CACNA2D1: variants seen among roughly 807,000 people sequenced by gnomAD.
CACNA2D1 encodes the protein voltage-dependent calcium channel subunit alpha-2/delta-1.
Under a neutral mutation model 171.5 loss-of-function variants are expected in CACNA2D1, and 53 were observed. That is an observed-to-expected ratio of 0.31 (90% CI 0.25 to 0.39). The LOEUF is 0.39. CACNA2D1 is among the 10% of genes least tolerant of loss of function. The pLI, the probability that CACNA2D1 is intolerant of heterozygous loss-of-function variation, is 1.00. For missense variants in CACNA2D1, 903 were observed against 1,299.8 expected (o/e 0.69, Z 4.69); for synonymous variants, 442 against 443.1 (o/e 1.00, Z 0.03).
rs559756847 is a variant in CACNA2D1, at chr7:82,070,163, T to C, written c.659-3639A>G. Among the ~76,000 whole-genome samples the C allele has an allele frequency of 7.5e-4, 114 of 152,306 alleles. 2 individuals are homozygous for C. The highest frequency in any genetic ancestry group is 3.9e-3 in the South Asian group (19 of 4,832). On this transcript the variant is annotated intron_variant, in intron 7 of 38. Coordinates refer to ENST00000356860, the MANE Select transcript of CACNA2D1 (RefSeq NM_000722.4). The stretch of plus-strand genomic sequence containing the variant: ...AATGGATCCTCCACAGTCCCTAATT[T>C]GCACCATGGCTCCAATAACCAAGTT...
intron 6 of CACNA2D1, among the ~76,000 whole-genome samples, chr7:82,108,303 A>G (rs1185817907): frequency 2.6e-5 from 4 of 152,204 alleles, no homozygotes; most frequent in Non-Finnish European, 4.4e-5. Flanking sequence ...ATGAACCTCC[A>G]AAGAAGTAGC....
chr7:82,094,006 A>G (rs1340148471), intron 6 of CACNA2D1, among the ~76,000 whole-genome samples: 1 of 152,148 alleles, frequency 6.6e-6, no homozygotes, highest in Non-Finnish European at 1.5e-5. Context: ...AGAAGTGACT[A>G]ATGAGATATG....
chr7:82,223,679 T>C (rs1255352625), intron 3 of CACNA2D1, among the ~76,000 whole-genome samples: 1 of 152,224 alleles, frequency 6.6e-6, no homozygotes, highest in Non-Finnish European at 1.5e-5. Flanking sequence ...TGTTGTTTTT[T>C]ACATTTCCTG....
chr7:82,394,334 AG>A (rs1363248903), intron 1 of CACNA2D1, among the ~76,000 whole-genome samples: 1 of 152,142 alleles, frequency 6.6e-6, no homozygotes, highest in Non-Finnish European at 1.5e-5. Flanking sequence ...GGAGGGAAGA[AG>A]GGAAAGTGGG....
intron 3 of CACNA2D1, among the ~76,000 whole-genome samples, chr7:82,297,052 T>C (rs1469503962): frequency 9.2e-6 from 1 of 108,280 alleles, no homozygotes; most frequent in East Asian, 2.7e-4. Flanking sequence ...CAGGGAAACA[T>C]AGTGAGGCTC....
chr7:81,969,575 T>C (rs1795054137), intron 28 of CACNA2D1, among the ~76,000 whole-genome samples: 1 of 151,354 alleles, frequency 6.6e-6, no homozygotes, highest in Non-Finnish European at 1.5e-5. Flanking sequence ...ATTCCTTAAA[T>C]GTTTTTCAAT....
chr7:82,184,932 T>G (rs2129175435), intron 3 of CACNA2D1, among the ~76,000 whole-genome samples: 1 of 152,306 alleles, frequency 6.6e-6, no homozygotes, highest in East Asian at 1.9e-4. Flanking sequence ...CTCCCATTAG[T>G]TCCATTTTAC....
intron 3 of CACNA2D1, among the ~76,000 whole-genome samples, chr7:82,322,812 A>T (rs979327492): frequency 2.0e-5 from 3 of 152,126 alleles, no homozygotes; most frequent in Admixed American, 6.6e-5. Context: ...TGCAAAGAAC[A>T]CCTGTGTATA....
At chr7:82,187,080 C>G (rs1407529446) in intron 3 of CACNA2D1, among the ~76,000 whole-genome samples, 16 of 151,982 alleles carry the variant, frequency 1.1e-4, no homozygotes, top group Admixed American at 1.0e-3. Context: ...TTTTAAGATC[C>G]ATGTATCTAA....
chr7:82,153,870 CA>C (rs1237082625), intron 4 of CACNA2D1, among the ~76,000 whole-genome samples: 1 of 151,440 alleles, frequency 6.6e-6, no homozygotes, highest in Non-Finnish European at 1.5e-5. Context: ...CATTGAACAG[CA>C]CAGTTAAAAA....
At chr7:82,377,804 C>G (rs1242098330) in intron 1 of CACNA2D1, among the ~76,000 whole-genome samples, 3 of 152,122 alleles carry the variant, frequency 2.0e-5, no homozygotes, top group African/African-American at 4.8e-5. Flanking sequence ...GTGAACCTAG[C>G]TTTTTCTTTC....
chr7:82,382,073 A>G (rs928157825), intron 1 of CACNA2D1, among the ~76,000 whole-genome samples: 18 of 152,234 alleles, frequency 1.2e-4, no homozygotes, highest in Non-Finnish European at 4.4e-5. Flanking sequence ...GACTTGAAGG[A>G]AGCATCCTCA....
chr7:82,430,379 T>C (rs1193877260), intron 1 of CACNA2D1, among the ~76,000 whole-genome samples: 2 of 146,348 alleles, frequency 1.4e-5, no homozygotes, highest in African/African-American at 5.1e-5. Context: ...GATCAGGCAG[T>C]TGCACTCCAG....
chr7:81,950,649 C>A, intron 38 of CACNA2D1, 141 bp from the exon 39 acceptor site: 1 of 1,204,438 alleles, frequency 8.3e-7, no homozygotes, highest in Non-Finnish European at 1.1e-6. Flanking sequence ...AATTGAAATC[C>A]AAAGAAATTA....
chr7:82,017,605 C>T (rs986216183), intron 12 of CACNA2D1, among the ~76,000 whole-genome samples: 1 of 143,592 alleles, frequency 7.0e-6, no homozygotes, highest in Non-Finnish European at 1.5e-5. Flanking sequence ...CCTGCTTCTT[C>T]AGATGTTTTT....
chr7:82,077,258 G>A (rs895475077), intron 7 of CACNA2D1, among the ~76,000 whole-genome samples: 2 of 152,090 alleles, frequency 1.3e-5, no homozygotes, highest in African/African-American at 2.4e-5. Flanking sequence ...ACAGCCCCCT[G>A]CCATTTAGCT....
At chr7:82,016,332 G>A (rs1372648646) in intron 12 of CACNA2D1, among the ~76,000 whole-genome samples, 1 of 152,058 alleles carries the variant, frequency 6.6e-6, no homozygotes, top group East Asian at 1.9e-4. Flanking sequence ...AGCACTGGGG[G>A]ATCTCTCTCA....
intron 1 of CACNA2D1, among the ~76,000 whole-genome samples, chr7:82,400,719 C>A (rs1471252163): frequency 4.0e-5 from 6 of 151,748 alleles, no homozygotes; most frequent in Admixed American, 2.0e-4. Context: ...TCTAATTAAA[C>A]TAAAGAGCTT....
At chr7:82,420,704 G>A (rs773178851) in intron 1 of CACNA2D1, among the ~76,000 whole-genome samples, 10 of 151,854 alleles carry the variant, frequency 6.6e-5, no homozygotes, top group East Asian at 1.9e-4. Context: ...AGTCCTTGCC[G>A]CATTATTTAT....
Sources: allele counts gnomAD v4.1 joint callset (sites outside exome capture counted in the v4.1 genomes callset), GRCh38; gene constraint gnomAD v4.1.1; transcripts MANE v1.5; gene names NCBI Gene and HGNC (gene_info 2026-07-23, HGNC 2026-07-21).